The following CCDC197 variants were observed in gnomAD, a reference collection of about 807,000 sequenced individuals.
The protein encoded by CCDC197 is uncharacterized protein CCDC197.
In CCDC197, 24 loss-of-function variants were observed where a neutral mutation model predicts 13.4. That is an observed-to-expected ratio of 1.80 (90% confidence interval 1.30 to 2.53). The LOEUF is 2.53. CCDC197 is among the 30% of genes most tolerant of loss of function. CCDC197 has a pLI of 0.00. For synonymous variants in CCDC197, 99 were observed against 55.5 expected (o/e 1.78, Z -3.48); for missense variants, 255 against 148.8 (o/e 1.71, Z -3.71).
intron 1 of CCDC197, among the ~76,000 whole-genome samples, chr14:93,990,701 T>C (rs1950351): frequency 0.66 from 100,545 of 152,122 alleles, 35,682 homozygotes; most frequent in East Asian, 0.98. Context: ...TGAGCCAGAA[T>C]TGGCCCTTTC....
chr14:94,005,685 GC>G (rs1567044833), intron 6 of CCDC197, among the ~76,000 whole-genome samples: 1 of 152,206 alleles, frequency 6.6e-6, no homozygotes, highest in Non-Finnish European at 1.5e-5. Context: ...AAATTGCACA[GC>G]CATTACCCCT....
intron 6 of CCDC197, among the ~76,000 whole-genome samples, chr14:94,005,511 A>C (rs1431750002): frequency 1.3e-5 from 2 of 152,200 alleles, no homozygotes; most frequent in Non-Finnish European, 2.9e-5. Flanking sequence ...CACCGCCCCC[A>C]TCAGTCAGGA....
intron 4 of CCDC197, 144 bp downstream of exon 4, chr14:94,001,467 G>A: frequency 1.8e-6 from 1 of 554,646 alleles, no homozygotes; most frequent in Non-Finnish European, 3.2e-6. Flanking sequence ...TGTCGCTCCT[G>A]AGCCGCCTTC....
upstream of CCDC197, among the ~76,000 whole-genome samples, chr14:93,995,715 G>A (rs1890277519): frequency 2.0e-5 from 3 of 152,180 alleles, no homozygotes; most frequent in South Asian, 4.1e-4. Flanking sequence ...CATTCTGGGG[G>A]CGCCTCCCTG....
chr14:93,994,077 G>C (rs1225431910), upstream of CCDC197, among the ~76,000 whole-genome samples: 1 of 152,212 alleles, frequency 6.6e-6, no homozygotes, highest in Non-Finnish European at 1.5e-5. Context: ...GGGCGGTGAA[G>C]AGGGGTCTGA....
At chr14:94,002,637 G>A (rs1393013418) in intron 4 of CCDC197, among the ~76,000 whole-genome samples, 2 of 152,132 alleles carry the variant, frequency 1.3e-5, no homozygotes, top group African/African-American at 4.8e-5. Flanking sequence ...CAGATCATTC[G>A]AGGTCAGGAG....
At chr14:93,989,652 G>C (rs376256916) in intron 1 of CCDC197, among the ~76,000 whole-genome samples, 29 of 152,324 alleles carry the variant, frequency 1.9e-4, no homozygotes, top group African/African-American at 6.7e-4. Flanking sequence ...GCCCACCTGG[G>C]TCCCCAGGGC....
chr14:94,010,314 C>T (rs907340213), downstream of CCDC197, among the ~76,000 whole-genome samples: 3 of 152,232 alleles, frequency 2.0e-5, no homozygotes, highest in African/African-American at 7.2e-5. Context: ...AGCGATTCTC[C>T]TGCCTCAGCC....
chr14:94,007,354 C>T (rs1423139239), intron 6 of CCDC197: 1 of 152,114 alleles, frequency 6.6e-6, no homozygotes, highest in Non-Finnish European at 1.5e-5. Context: ...ATTCAGTTGT[C>T]CTGATACCAT....
At chr14:93,991,031 C>T (rs1890201932) in intron 1 of CCDC197, among the ~76,000 whole-genome samples, 2 of 152,134 alleles carry the variant, frequency 1.3e-5, no homozygotes, top group Non-Finnish European at 2.9e-5. Flanking sequence ...GCCTGACCTG[C>T]CATTAGTGTT....
At chr14:93,990,235 C>G (rs1037566916) in intron 1 of CCDC197, among the ~76,000 whole-genome samples, 2 of 152,200 alleles carry the variant, frequency 1.3e-5, no homozygotes, top group Non-Finnish European at 2.9e-5. Flanking sequence ...TCACCACATT[C>G]ACAGCCCCAG....
chr14:93,988,628 A>G (rs1041929375), intron 1 of CCDC197, among the ~76,000 whole-genome samples: 1 of 11,218 alleles, frequency 8.9e-5, no homozygotes, highest in Non-Finnish European at 1.8e-4. Flanking sequence ...GGAGGGGTTG[A>G]GAGAGGGGAT....
At chr14:94,000,308 G>A (rs1008461192) in intron 3 of CCDC197, among the ~76,000 whole-genome samples, 2 of 152,176 alleles carry the variant, frequency 1.3e-5, no homozygotes, top group African/African-American at 4.8e-5. Flanking sequence ...GGCTCAGAGA[G>A]GGTAACGAAC....
intron 1 of CCDC197, among the ~76,000 whole-genome samples, chr14:93,992,233 G>C (rs770908477): frequency 6.6e-6 from 1 of 152,222 alleles, no homozygotes; most frequent in African/African-American, 2.4e-5. Context: ...GCCCGCAGGG[G>C]ACAGGAGCAG....
chr14:93,994,611 G>A (rs1890253161), upstream of CCDC197, among the ~76,000 whole-genome samples: 1 of 152,170 alleles, frequency 6.6e-6, no homozygotes, highest in African/African-American at 2.4e-5. Context: ...GGACACTTCA[G>A]GCCAAAAATG....
At chr14:93,993,035 G>A (rs550320715), upstream of CCDC197, among the ~76,000 whole-genome samples, 13 of 152,268 alleles carry the variant, frequency 8.5e-5, no homozygotes, top group African/African-American at 2.6e-4. Context: ...AATTCTGGCC[G>A]AATCAATAGG....
rs140672274 is a variant in CCDC197 at position 93,991,787 on chromosome 14, G to A, written c.-107+4391G>A. ...ATCTGGAAGACCAGAGGGAAAGAGT[G>A]CTATGAAGAGCTTGGAGACTTGTGC... On this transcript the variant is annotated intron_variant, in intron 1 of 7. Transcript: ENST00000640978. 5.5e-3 allele frequency among the ~76,000 whole-genome samples: 845 copies of A among 152,328 alleles called. 9 individuals carry two copies. Among genetic ancestry groups the A allele is most frequent in the African/African-American group, 0.019 (810 of 41,568 alleles).
intron 1 of CCDC197, among the ~76,000 whole-genome samples, chr14:93,991,759 G>T (rs1890215204): frequency 6.6e-6 from 1 of 152,216 alleles, no homozygotes; most frequent in Non-Finnish European, 1.5e-5. Flanking sequence ...AGGAGGAGCT[G>T]GGATCTGGAA....
chr14:94,004,644 C>T (rs1226189028), intron 5 of CCDC197, among the ~76,000 whole-genome samples: 1 of 152,200 alleles, frequency 6.6e-6, no homozygotes, highest in East Asian at 1.9e-4. Flanking sequence ...TTAGTCCAAC[C>T]TGCCTCTTTG....
Sources: allele counts gnomAD v4.1 joint callset (sites outside exome capture counted in the v4.1 genomes callset), GRCh38; gene constraint gnomAD v4.1.1; transcripts MANE v1.5; gene names NCBI Gene and HGNC (gene_info 2026-07-23, HGNC 2026-07-21).